ASTN2: variants seen among roughly 807,000 people sequenced by gnomAD.
The protein encoded by ASTN2 is astrotactin-2.
A neutral mutation model predicts 139.8 loss-of-function variants in ASTN2; 54 were observed. The ratio of observed to expected loss-of-function variants is 0.39; its 90% confidence interval spans 0.31 to 0.48. The LOEUF is 0.48. Ranked by LOEUF, ASTN2 falls within the 20% of genes least tolerant of loss-of-function variation. The pLI is 0.95. For synonymous variants in ASTN2, 756 were observed against 719.5 expected, an observed-to-expected ratio of 1.05 and a Z score of -0.81; for missense variants, 1,565 against 1,725.1, an observed-to-expected ratio of 0.91 and a Z score of 1.64.
chr9:116,827,312 C>G (rs868635077), intron 11 of ASTN2, among the ~76,000 whole-genome samples: 2 of 77,314 alleles, frequency 2.6e-5, no homozygotes, highest in Non-Finnish European at 5.1e-5. Flanking sequence ...TCCATCCCCC[C>G]CAAAAAAAAA....
At chr9:116,667,367 C>T (rs1428459825) in intron 16 of ASTN2, among the ~76,000 whole-genome samples, 2 of 152,022 alleles carry the variant, frequency 1.3e-5, no homozygotes, top group Non-Finnish European at 2.9e-5. Flanking sequence ...TTAAAAAAAA[C>T]TATCTGTTTG....
intron 16 of ASTN2, among the ~76,000 whole-genome samples, chr9:116,685,784 T>C (rs1400948080): frequency 6.6e-6 from 1 of 152,090 alleles, no homozygotes; most frequent in Non-Finnish European, 1.5e-5. Flanking sequence ...AAGAGAGATT[T>C]TTTTTTTTCA....
intron 5 of ASTN2, among the ~76,000 whole-genome samples, chr9:117,083,617 T>A (rs1486512064): frequency 6.6e-6 from 1 of 152,162 alleles, no homozygotes; most frequent in Admixed American, 6.5e-5. Flanking sequence ...TGACAGAGTA[T>A]TCTTGCTTGG....
At chr9:116,847,007 C>CAAAAAAAAAAAAAAAAAAAAAAAA (rs11302692) in intron 11 of ASTN2, among the ~76,000 whole-genome samples, 4 of 75,882 alleles carry the variant, frequency 5.3e-5, no homozygotes, top group Non-Finnish European at 1.0e-4. Context: ...GCTTCATTCT[C>CAAAAAAAAAAAAAAAAAAAAAAAA]AAAAAAAAAA....
chr9:117,394,784 G>T (rs1830633708), intron 1 of ASTN2, among the ~76,000 whole-genome samples: 2 of 152,188 alleles, frequency 1.3e-5, no homozygotes, highest in Admixed American at 1.3e-4. Context: ...ACAAGCAATA[G>T]AGGCGGGTTG....
chr9:116,555,333 C>A (rs949110955), intron 19 of ASTN2, among the ~76,000 whole-genome samples: 3 of 152,130 alleles, frequency 2.0e-5, no homozygotes, highest in African/African-American at 7.2e-5. Flanking sequence ...ACAGGCTGGC[C>A]CACTTTCGCG....
At chr9:117,134,283 TATATATATATATACACAC>T (rs1486590910) in intron 4 of ASTN2, among the ~76,000 whole-genome samples, 66 of 76,434 alleles carry the variant, frequency 8.6e-4, no homozygotes, top group African/African-American at 2.8e-3. Flanking sequence ...TATATATATA[TATATATATATATACACAC>T]ACACACACAC....
At chr9:117,029,188 C>T (rs1011783476) in intron 6 of ASTN2, among the ~76,000 whole-genome samples, 1 of 152,158 alleles carries the variant, frequency 6.6e-6, no homozygotes, top group Non-Finnish European at 1.5e-5. Flanking sequence ...GGATCTACTT[C>T]ATGAGGTAAT....
intron 20 of ASTN2, among the ~76,000 whole-genome samples, chr9:116,456,328 A>G (rs1001586083): frequency 1.3e-5 from 2 of 152,188 alleles, no homozygotes; most frequent in Non-Finnish European, 2.9e-5. Context: ...AAAAAAATAT[A>G]AAACATTGAG....
intron 19 of ASTN2, among the ~76,000 whole-genome samples, chr9:116,599,394 T>C (rs1408655282): frequency 6.6e-6 from 1 of 152,220 alleles, no homozygotes; most frequent in Non-Finnish European, 1.5e-5. Flanking sequence ...ACTGTGTTCA[T>C]TTTCAAAAGG....
At chr9:117,051,370 T>A (rs1049971813) in intron 5 of ASTN2, among the ~76,000 whole-genome samples, 2 of 152,130 alleles carry the variant, frequency 1.3e-5, no homozygotes, top group African/African-American at 2.4e-5. Flanking sequence ...ATCAAAAAAA[T>A]TGACTCTAAC....
At chr9:117,298,802 C>G (rs1398459148) in intron 1 of ASTN2, among the ~76,000 whole-genome samples, 1 of 150,496 alleles carries the variant, frequency 6.6e-6, no homozygotes, top group Non-Finnish European at 1.5e-5. Flanking sequence ...AGGGACATGT[C>G]AGAATTATTT....
At chr9:117,162,280 T>C (rs1368189503) in intron 3 of ASTN2, among the ~76,000 whole-genome samples, 1 of 152,054 alleles carries the variant, frequency 6.6e-6, no homozygotes. Flanking sequence ...CCTGCTCTCT[T>C]GGCAAGTGTA....
At chr9:116,577,188 C>G (rs1375363392) in intron 19 of ASTN2, among the ~76,000 whole-genome samples, 1 of 152,162 alleles carries the variant, frequency 6.6e-6, no homozygotes, top group African/African-American at 2.4e-5. Flanking sequence ...ACTACAGTGA[C>G]TTTCAAAGAA....
chr9:117,241,134 A>G (rs1833192753), intron 2 of ASTN2, among the ~76,000 whole-genome samples: 1 of 152,202 alleles, frequency 6.6e-6, no homozygotes, highest in Non-Finnish European at 1.5e-5. Flanking sequence ...ACTGAGACAA[A>G]TAAACAAAAC....
At chr9:116,967,686 T>C (rs1836054442) in intron 10 of ASTN2, among the ~76,000 whole-genome samples, 3 of 152,122 alleles carry the variant, frequency 2.0e-5, no homozygotes, top group African/African-American at 7.2e-5. Context: ...AGGACAGAGA[T>C]ATCTTGAATA....
chr9:116,803,143 A>AT (rs1008754956), intron 13 of ASTN2, among the ~76,000 whole-genome samples: 12 of 152,058 alleles, frequency 7.9e-5, no homozygotes, highest in African/African-American at 2.4e-4. Context: ...TAATTCCTTT[A>AT]TTTTTTTATT....
intron 19 of ASTN2, among the ~76,000 whole-genome samples, chr9:116,547,134 A>C (rs573467899): frequency 6.6e-6 from 1 of 152,316 alleles, no homozygotes; most frequent in Admixed American, 6.5e-5. Flanking sequence ...CTTAAGAACC[A>C]AAGAGGTTTC....
At chr9:116,718,160 G>T (rs1278138450) in intron 16 of ASTN2, among the ~76,000 whole-genome samples, 2 of 152,180 alleles carry the variant, frequency 1.3e-5, no homozygotes, top group Admixed American at 6.5e-5. Context: ...CTTCTTGAAA[G>T]GTTTTCTGAG....
Sources: allele counts gnomAD v4.1 joint callset (sites outside exome capture counted in the v4.1 genomes callset), GRCh38; gene constraint gnomAD v4.1.1; transcripts MANE v1.5; gene names NCBI Gene and HGNC (gene_info 2026-07-23, HGNC 2026-07-21).